TANGO6: variants seen among roughly 807,000 people sequenced by gnomAD.
TANGO6 encodes the protein transport and golgi organization 6 homolog, also known as transport and Golgi organization protein 6 homolog.
In TANGO6, 90 loss-of-function variants were observed where a neutral mutation model predicts 114.2. The ratio of observed to expected loss-of-function variants is 0.79; its 90% CI spans 0.66 to 0.94. The LOEUF is 0.94. Among genes scored for constraint, TANGO6 ranks in the 40% least tolerant of loss-of-function variants. The pLI, the probability that TANGO6 is intolerant of heterozygous loss-of-function variation, is 0.00. For synonymous variants in TANGO6, 477 were observed against 509.8 expected, an observed-to-expected ratio of 0.94 and a Z score of 0.87; for missense variants, 1,274 against 1,315.3, an observed-to-expected ratio of 0.97 and a Z score of 0.49.
rs35731381 is a variant in TANGO6, at chr16:69,062,787, T to TAAA, written c.3109-20679_3109-20677dup. Among the ~76,000 whole-genome samples the TAAA allele has an allele frequency of 6.2e-4, 70 of 113,722 alleles. No homozygotes were observed. In the East Asian group the frequency reaches 0.014, roughly 23 times the overall value. 74.6% of individuals were successfully genotyped at this position (113,722 alleles called of 152,430 possible). A position where few individuals can be genotyped will look rare whatever the true frequency, so the allele number is the denominator to read the frequency against. ...CGCACCCGGCCCATAAAAAGAAATT[T>TAAA]AAAAAAAAAAAAAAAAAAAAAGAAT... On this transcript the variant is annotated intron_variant, in intron 17 of 17. Coordinates refer to ENST00000261778, the MANE Select transcript of TANGO6 (RefSeq NM_024562.2).
intron 9 of TANGO6, among the ~76,000 whole-genome samples, chr16:68,905,794 G>C (rs551913546): frequency 6.6e-6 from 1 of 151,772 alleles, no homozygotes; most frequent in Admixed American, 6.6e-5. Flanking sequence ...GATTGCCTCA[G>C]ACTGGGAGGT....
Position 68,909,355 on chromosome 16 carries a change from G to A in TANGO6, c.1945G>A (p.Val649Ile), listed in dbSNP as rs1962893891. 1.9e-6 allele frequency: 3 copies of A among 1,600,868 alleles called. No individual in the cohort carries two copies. Among genetic ancestry groups the A allele is most frequent in the Non-Finnish European group, 2.6e-6 (3 of 1,172,604 alleles). ...RKLLVLQLMA[V>I]LCERMSEQIF... is the part of the protein sequence containing the mutation. ...GCTGCTTGTCCTGCAGCTGATGGCT[G>A]TTCTGTGCGAGAGAATGTCTGAGCA... The change falls in exon 11 of 18, where the codon GTT (valine) becomes ATT (isoleucine). Residue 649 changes from valine to isoleucine, a missense_variant. Physicochemically the swap from Val to Ile is conservative, Grantham distance 29. Transcript: ENST00000261778.
chr16:69,012,527 G>A (rs1964151119), intron 15 of TANGO6, among the ~76,000 whole-genome samples: 1 of 120,640 alleles, frequency 8.3e-6, no homozygotes, highest in Non-Finnish European at 1.6e-5. Context: ...TTGCACTCCA[G>A]CCTGGGCAAC....
At chr16:69,026,338 A>C (rs1021925870) in intron 16 of TANGO6, 3 of 152,440 alleles carry the variant, frequency 2.0e-5, no homozygotes, top group Non-Finnish European at 4.4e-5. Context: ...TAAACATTAT[A>C]CCATCAACAT....
intron 14 of TANGO6, among the ~76,000 whole-genome samples, chr16:68,951,311 C>CCTGTCT (rs1363476687): frequency 6.7e-6 from 1 of 149,182 alleles, no homozygotes; most frequent in Non-Finnish European, 1.5e-5. Flanking sequence ...TGACAGAGAC[C>CCTGTCT]CTGTCTCAAA....
intron 17 of TANGO6, among the ~76,000 whole-genome samples, chr16:69,057,586 G>A (rs989328073): frequency 6.6e-6 from 1 of 152,100 alleles, no homozygotes; most frequent in African/African-American, 2.4e-5. Flanking sequence ...CATTTTCTAT[G>A]TCCCTGTCAC....
chr16:69,044,981 G>GA (rs973878842), intron 17 of TANGO6, among the ~76,000 whole-genome samples: 2 of 151,914 alleles, frequency 1.3e-5, no homozygotes, highest in African/African-American at 4.8e-5. Flanking sequence ...CCAACATAGT[G>GA]AAACCCTGTC....
rs1962983484 is a variant in TANGO6, at chr16:68,915,132, C to G, written c.1993-3953C>G. Among the ~76,000 whole-genome samples the G allele has an allele frequency of 2.0e-5, 3 of 147,010 alleles. No homozygotes were observed. In the South Asian group the frequency reaches 6.5e-4, roughly 32 times the overall value. ...GAGGTCACAGTGAGCCAAGATCACA[C>G]CACTGCACTCCAGCCTGGGCGACAG... On this transcript the variant is annotated intron_variant, in intron 11 of 17. Transcript: ENST00000261778.
At chr16:69,016,548 G>A (rs1959301037) in intron 15 of TANGO6, among the ~76,000 whole-genome samples, 1 of 152,118 alleles carries the variant, frequency 6.6e-6, no homozygotes, top group South Asian at 2.1e-4. Flanking sequence ...ACCAAGAATT[G>A]TAAAATTAAA....
intron 15 of TANGO6, among the ~76,000 whole-genome samples, chr16:69,017,243 T>C (rs1959315571): frequency 6.6e-6 from 1 of 152,198 alleles, no homozygotes. Flanking sequence ...TCAGTATTTT[T>C]CCTCTTCCCC....
At chr16:69,082,387 AG>A (rs1201021737) in intron 17 of TANGO6, among the ~76,000 whole-genome samples, 1 of 152,096 alleles carries the variant, frequency 6.6e-6, no homozygotes, top group Admixed American at 6.6e-5. Flanking sequence ...TACAGGCATG[AG>A]CCACCGCACC....
intron 14 of TANGO6, among the ~76,000 whole-genome samples, chr16:68,966,849 G>A (rs1241028303): frequency 1.3e-5 from 2 of 148,312 alleles, no homozygotes; most frequent in Non-Finnish European, 3.0e-5. Context: ...TCAGCTCACT[G>A]TAACATCTGC....
intron 7 of TANGO6, among the ~76,000 whole-genome samples, chr16:68,891,821 G>A (rs1025141575): frequency 1.3e-5 from 2 of 150,364 alleles, no homozygotes; most frequent in Non-Finnish European, 3.0e-5. Flanking sequence ...GAAGGACGGA[G>A]GGGAGGAGGG....
chr16:68,868,551 G>A (rs906702744), intron 4 of TANGO6, among the ~76,000 whole-genome samples: 1 of 140,004 alleles, frequency 7.1e-6, no homozygotes, highest in African/African-American at 2.7e-5. Flanking sequence ...AGGCTAGAGC[G>A]CAGTGGCGTG....
At chr16:69,053,960 G>A (rs1959993235) in intron 17 of TANGO6, among the ~76,000 whole-genome samples, 2 of 152,140 alleles carry the variant, frequency 1.3e-5, no homozygotes, top group South Asian at 4.1e-4. Context: ...AGCTAATCAG[G>A]AGGCTGAGGT....
chr16:69,012,580 GAA>G (rs745623750), intron 15 of TANGO6, among the ~76,000 whole-genome samples: 6 of 108,524 alleles, frequency 5.5e-5, no homozygotes, highest in African/African-American at 1.0e-4. Flanking sequence ...AAAAAAAAAG[GAA>G]AAAAAAAAAA....
intron 17 of TANGO6, among the ~76,000 whole-genome samples, chr16:69,075,174 C>CTT (rs59445014): frequency 2.2e-5 from 3 of 134,842 alleles, no homozygotes; most frequent in Non-Finnish European, 1.6e-5. Flanking sequence ...CCAAAGTCTG[C>CTT]TTTTTTTTTT....
At chr16:69,053,451 AATTC>A (rs1277084271) in intron 17 of TANGO6, among the ~76,000 whole-genome samples, 31 of 152,292 alleles carry the variant, frequency 2.0e-4, no homozygotes, top group African/African-American at 6.3e-4. Flanking sequence ...ACCTATCATT[AATTC>A]ATCCCCAATC....
At chr16:68,865,138 G>T (rs1004071525) in intron 3 of TANGO6, among the ~76,000 whole-genome samples, 1 of 152,016 alleles carries the variant, frequency 6.6e-6, no homozygotes, top group Non-Finnish European at 1.5e-5. Flanking sequence ...TTAGCCGGGC[G>T]TGGTGGTGTG....
Sources: gnomAD v4.1 joint callset for allele counts (sites outside exome capture counted in the v4.1 genomes callset) on GRCh38, gnomAD v4.1.1 for gene constraint, MANE v1.5 for transcripts, NCBI Gene and HGNC (gene_info 2026-07-23, HGNC 2026-07-21) for gene names.